LYPD6: variants seen among roughly 807,000 people sequenced by gnomAD.
The protein encoded by LYPD6 is LY6/PLAUR domain containing 6.
Under a neutral mutation model 22.7 loss-of-function variants are expected in LYPD6, and 15 were observed. That is an observed-to-expected ratio of 0.66 (90% CI 0.44 to 1.02). The LOEUF is 1.02. Ranked by LOEUF, LYPD6 falls within the 50% of genes least tolerant of loss-of-function variation. LYPD6 has a pLI of 0.00. For missense variants in LYPD6, 189 were observed against 208.4 expected, an observed-to-expected ratio of 0.91 and a Z score of 0.57; for synonymous variants, 72 against 77.5, an observed-to-expected ratio of 0.93 and a Z score of 0.37.
intron 1 of LYPD6, among the ~76,000 whole-genome samples, chr2:149,353,944 AG>A (rs1681405214): frequency 1.3e-5 from 2 of 152,150 alleles, no homozygotes; most frequent in Non-Finnish European, 2.9e-5. Flanking sequence ...CCTTCCATTC[AG>A]GGGCTGAAAC....
Position 149,371,688 on chromosome 2 carries a change from C to T in LYPD6, c.-72+40966C>T, listed in dbSNP as rs75597689. ...GTGTCGTCAGAACCCGTGCCTGGCACTTAGCAGGCGTCAGGAGGCACAGGT... is the reference window on the plus strand; with the variant it reads ...GTGTCGTCAGAACCCGTGCCTGGCATTTAGCAGGCGTCAGGAGGCACAGGT... On this transcript the variant is annotated intron_variant, in intron 1 of 4. Transcript: ENST00000334166. Among the ~76,000 whole-genome samples the T allele has an allele frequency of 5.6e-3, 852 of 152,292 alleles. 60 individuals carry two copies. The East Asian group carries it at 0.15, about 27-fold the overall frequency.
chr2:149,387,399 A>G (rs1682212068), intron 1 of LYPD6, among the ~76,000 whole-genome samples: 1 of 152,222 alleles, frequency 6.6e-6, no homozygotes, highest in Admixed American at 6.5e-5. Flanking sequence ...ACTGGCATTC[A>G]GTTCCATTCT....
intron 1 of LYPD6, among the ~76,000 whole-genome samples, chr2:149,427,117 G>C (rs533621360): frequency 1.3e-5 from 2 of 152,200 alleles, no homozygotes; most frequent in East Asian, 3.9e-4. Flanking sequence ...ATAGTGCCAA[G>C]GTAACTCTTT....
At chr2:149,457,808 T>A (rs1317475824) in intron 3 of LYPD6, among the ~76,000 whole-genome samples, 1 of 152,092 alleles carries the variant, frequency 6.6e-6, no homozygotes, top group Non-Finnish European at 1.5e-5. Flanking sequence ...ACCAAAGACA[T>A]GAAGGGACTC....
chr2:149,441,280 T>C (rs1683563019), intron 2 of LYPD6, among the ~76,000 whole-genome samples: 1 of 152,206 alleles, frequency 6.6e-6, no homozygotes, highest in Admixed American at 6.5e-5. Flanking sequence ...CATTCTTTTG[T>C]GAATGAGCCA....
chr2:149,401,888 A>G (rs1180404363), intron 1 of LYPD6, among the ~76,000 whole-genome samples: 1 of 151,858 alleles, frequency 6.6e-6, no homozygotes, highest in Non-Finnish European at 1.5e-5. Context: ...CGAATCCCCA[A>G]AGTTCAATGT....
intron 1 of LYPD6, among the ~76,000 whole-genome samples, chr2:149,410,943 A>G (rs1220254745): frequency 2.0e-5 from 3 of 152,218 alleles, no homozygotes; most frequent in Non-Finnish European, 4.4e-5. Flanking sequence ...TGCTTTCACC[A>G]TGTTACATTT....
Position 149,436,218 on chromosome 2 carries a change from GTAAT to G in LYPD6, c.-71-1417_-71-1414del, listed in dbSNP as rs1303957201. ...TTCCTTGCCTATGTATTTTTACAAA[GTAAT>G]TATGCTATTTAAAAAATCTTGTTGA... On this transcript the variant is annotated intron_variant, in intron 1 of 4. Coordinates refer to ENST00000334166, the MANE Select transcript of LYPD6 (RefSeq NM_194317.5). Among the ~76,000 whole-genome samples the G allele has an allele frequency of 3.9e-5, 6 of 152,218 alleles. No individual in the cohort carries two copies. In the South Asian group the frequency reaches 1.0e-3, roughly 26 times the overall value.
At chr2:149,384,206 A>G (rs958604781) in intron 1 of LYPD6, among the ~76,000 whole-genome samples, 10 of 152,340 alleles carry the variant, frequency 6.6e-5, no homozygotes, top group South Asian at 2.1e-4. Context: ...TAAGATGTTC[A>G]TATTTTATTT....
chr2:149,450,257 T>G (rs1440459859), intron 3 of LYPD6, among the ~76,000 whole-genome samples: 2 of 152,182 alleles, frequency 1.3e-5, no homozygotes, highest in Admixed American at 6.5e-5. Flanking sequence ...CACCCACTTC[T>G]TCACCCACAT....
chr2:149,375,795 T>A (rs1214534514), intron 1 of LYPD6, among the ~76,000 whole-genome samples: 1 of 152,156 alleles, frequency 6.6e-6, no homozygotes, highest in East Asian at 1.9e-4. Context: ...GAAGGGGGAA[T>A]TCCAACAAGA....
intron 1 of LYPD6, among the ~76,000 whole-genome samples, chr2:149,434,502 G>T (rs1339737581): frequency 6.6e-6 from 1 of 152,134 alleles, no homozygotes; most frequent in Non-Finnish European, 1.5e-5. Flanking sequence ...GGTCATAAAA[G>T]ATATAGTATA....
intron 1 of LYPD6, among the ~76,000 whole-genome samples, chr2:149,366,901 C>G (rs1011857923): frequency 1.4e-4 from 22 of 152,264 alleles, no homozygotes; most frequent in African/African-American, 5.1e-4. Context: ...TACACACTGT[C>G]ATGTGTGATT....
intron 1 of LYPD6, among the ~76,000 whole-genome samples, chr2:149,387,693 G>A (rs1290943278): frequency 6.6e-6 from 1 of 152,182 alleles, no homozygotes; most frequent in African/African-American, 2.4e-5. Flanking sequence ...TGAGCACGAG[G>A]TGCTCCCAGC....
chr2:149,367,005 T>A (rs568285654), intron 1 of LYPD6, among the ~76,000 whole-genome samples: 3 of 152,342 alleles, frequency 2.0e-5, no homozygotes, highest in African/African-American at 7.2e-5. Flanking sequence ...TGATGCTGGC[T>A]TCCTATGTAA....
At chr2:149,361,437 A>G (rs1442325013) in intron 1 of LYPD6, among the ~76,000 whole-genome samples, 1 of 152,192 alleles carries the variant, frequency 6.6e-6, no homozygotes, top group Non-Finnish European at 1.5e-5. Context: ...CAAAATAATC[A>G]GCTTGAAATA....
chr2:149,475,153 G>A (rs887938124), downstream of LYPD6, among the ~76,000 whole-genome samples: 17 of 152,204 alleles, frequency 1.1e-4, no homozygotes, highest in African/African-American at 3.6e-4. Flanking sequence ...TAGAAGTGGT[G>A]CCTTGGCGGT....
In LYPD6 at chr2:149,470,809, A is replaced by G. The variant is rs1681316706; in HGVS notation, c.475A>G (p.Ile159Val). ...TGGGCACCCACGCTGTATGTCAGTG[A>G]TAGTGTCCTGCTTGTGGTTGTGGTT... ...TNGHPRCMSVIVSCLWLWLGL... is the reference protein window; with the variant it reads ...TNGHPRCMSVVVSCLWLWLGL... The change falls in exon 5 of 5, where the codon ATA (isoleucine) becomes GTA (valine). Residue 159 changes from isoleucine to valine, a missense_variant. Physicochemically the swap from Ile to Val is conservative, Grantham distance 29. Coordinates refer to ENST00000334166, the MANE Select transcript of LYPD6 (RefSeq NM_194317.5). 2.5e-6 allele frequency: 4 copies of G among 1,613,716 alleles called. No homozygotes were observed. The highest frequency in any genetic ancestry group is 3.4e-6 in the Non-Finnish European group (4 of 1,179,768).
intron 1 of LYPD6, among the ~76,000 whole-genome samples, chr2:149,340,037 A>G (rs974033636): frequency 1.3e-5 from 2 of 152,142 alleles, no homozygotes; most frequent in African/African-American, 2.4e-5. Context: ...TTGTCCTACT[A>G]TTTCTGCCTT....
Sources: gnomAD v4.1 joint callset for allele counts (sites outside exome capture counted in the v4.1 genomes callset) on GRCh38, gnomAD v4.1.1 for gene constraint, MANE v1.5 for transcripts, NCBI Gene and HGNC (gene_info 2026-07-23, HGNC 2026-07-21) for gene names.